The following TLCD2 variants were observed in gnomAD, a reference collection of about 807,000 sequenced individuals.
TLCD2 encodes the protein TLC domain-containing protein 2.
A neutral mutation model predicts 14.0 loss-of-function variants in TLCD2; 12 were observed. The observed-to-expected ratio is 0.86, with a 90% CI of 0.55 to 1.39. The LOEUF (loss-of-function observed/expected upper bound fraction) is 1.39, where lower values mean the gene tolerates loss of function less well. TLCD2 is among the 40% of genes most tolerant of loss of function. The pLI is 0.00. For missense variants in TLCD2, 360 were observed against 346.8 expected, an observed-to-expected ratio of 1.04 and a Z score of -0.30; for synonymous variants, 166 against 156.5, an observed-to-expected ratio of 1.06 and a Z score of -0.45.
chr17:1,708,050 G>T lies in TLCD2; in HGVS notation c.515C>A (p.Thr172Asn). Residue 172 changes from threonine to asparagine, a missense_variant, in exon 4 of 4, where the codon ACC (threonine) becomes AAC (asparagine). Physicochemically the swap from Thr to Asn is moderately conservative, Grantham distance 65. Coordinates refer to ENST00000330676, the MANE Select transcript of TLCD2 (RefSeq NM_001164407.2). ...CGGGACCAGGCGGAAGAGGGCCAAGGTGGCCAAGGAGGCCCAGCTGGTCAC... is the reference window on the plus strand; with the variant it reads ...CGGGACCAGGCGGAAGAGGGCCAAGTTGGCCAAGGAGGCCCAGCTGGTCAC... ...FSVTSWASLA[T>N]LALFRLVPLG... 1 of 1,537,212 alleles carries T rather than the reference G, an allele frequency of 6.5e-7. No homozygotes were observed. The highest frequency in any genetic ancestry group is 8.7e-7 in the Non-Finnish European group (1 of 1,146,912).
At position 1,708,101 on chromosome 17, in the gene TLCD2, C is replaced by T. The variant is rs531651055; in HGVS notation, c.464G>A (p.Arg155His). Reference protein sequence around the residue: ...LHLRKLLLLSRQAPSLAFSVT... With the variant: ...LHLRKLLLLSHQAPSLAFSVT... Reference sequence around the variant, plus strand: ...GCTGAAGGCCAGGGATGGGGCCTGGCGAGAAAGCAACAGCAGCTTCCGCAG... The same window carrying T: ...GCTGAAGGCCAGGGATGGGGCCTGGTGAGAAAGCAACAGCAGCTTCCGCAG... Residue 155 changes from arginine (R) to histidine (H), a missense_variant, in exon 4 of 4, where the codon CGC becomes CAC. Transcript: ENST00000330676. 76 of 1,537,052 alleles carry T rather than the reference C, an allele frequency of 4.9e-5. No individual in the cohort carries two copies. Among genetic ancestry groups the T allele is most frequent in the Non-Finnish European group, 6.0e-5 (69 of 1,146,892 alleles).
At position 1,710,060 on chromosome 17, in the gene TLCD2, C is replaced by T. The variant is rs1914174653; in HGVS notation, c.176+7G>A. On this transcript the variant is annotated splice_region_variant and intron_variant, in intron 1 of 3. Coordinates refer to ENST00000330676, the MANE Select transcript of TLCD2 (RefSeq NM_001164407.2). This position sits in a 1 kb window ranked among gnomAD's most constrained non-coding sequence, Gnocchi z 6.1. ...GCCCCGTGCGCCTCGAGCCCCCAAG[C>T]CCGCACCCGAGCAGCGCCCCGGTCC... is the stretch of plus-strand genomic sequence containing the variant. 6.5e-7 allele frequency: 1 copy of T among 1,532,582 alleles called. No homozygotes were observed. 94.9% of individuals were successfully genotyped at this position (1,532,582 alleles called of 1,614,324 possible).
chr17:1,710,084 C>A lies in TLCD2; in HGVS notation c.159G>T (p.Gly53=), dbSNP rs1914176117. The A allele has an allele frequency of 6.5e-7, 1 of 1,533,078 alleles. No individual in the cohort carries two copies. The highest frequency in any genetic ancestry group is 8.7e-7 in the Non-Finnish European group (1 of 1,146,328). The allele number at this position is 1,533,078 out of a possible 1,614,324, so 95.0% of individuals were successfully genotyped here. A position where few individuals can be genotyped will look rare whatever the true frequency, so the allele number is the denominator to read the frequency against. Residue 53 remains glycine, a synonymous_variant, in exon 1 of 4, where the codon GGG becomes GGT. Coordinates refer to ENST00000330676, the MANE Select transcript of TLCD2 (RefSeq NM_001164407.2). The surrounding 1 kb of genome is among the most constrained non-coding windows in gnomAD (Gnocchi z 6.1). ...CVSLAHSLLS[G]TGALLGLSLY... ...GCCCGCACCCGAGCAGCGCCCCGGT[C>A]CCCGAGAGCAGGCTGTGCGCCAGGG... is the stretch of plus-strand genomic sequence containing the variant.
chr17:1,707,019 T>G lies in TLCD2; in HGVS notation c.*751A>C, dbSNP rs2151144614. ...CCTCTCCACCAAAAAATACAAAAAT[T>G]AGCTGGGCTTGGTGGTGCATGCCTG... On this transcript the variant is annotated 3_prime_UTR_variant, in exon 4 of 4. Transcript: ENST00000330676. 1 of 151,562 alleles carries G rather than the reference T, an allele frequency of 6.6e-6. No individual in the cohort carries two copies. The highest frequency in any genetic ancestry group is 2.1e-4 in the South Asian group (1 of 4,772). The allele number at this position is 151,562 out of a possible 1,614,324, so 9.4% of individuals were successfully genotyped here.
chr17:1,708,425 G>A (rs1914107356), intron 3 of TLCD2, among the ~76,000 whole-genome samples: 1 of 151,788 alleles, frequency 6.6e-6, no homozygotes, highest in Non-Finnish European at 1.5e-5. Flanking sequence ...GGCCCAGGGA[G>A]GGGCTGTCTC....
Position 1,710,063 on chromosome 17 carries a change from G to C in TLCD2, c.176+4C>G. On this transcript the variant is annotated splice_donor_region_variant and intron_variant, in intron 1 of 3. Transcript: ENST00000330676. This position sits in a 1 kb window ranked among gnomAD's most constrained non-coding sequence, Gnocchi z 6.1. ...CCGTGCGCCTCGAGCCCCCAAGCCC[G>C]CACCCGAGCAGCGCCCCGGTCCCCG... 6.5e-7 allele frequency: 1 copy of C among 1,532,454 alleles called. No individual in the cohort carries two copies. Among genetic ancestry groups the C allele is most frequent in the Non-Finnish European group, 8.7e-7 (1 of 1,146,028 alleles). 94.9% of individuals were successfully genotyped at this position (1,532,454 alleles called of 1,614,324 possible). A position where few individuals can be genotyped will look rare whatever the true frequency, so the allele number is the denominator to read the frequency against.
At chr17:1,709,213 AC>A (rs1453608858) in intron 3 of TLCD2, among the ~76,000 whole-genome samples, 2 of 151,728 alleles carry the variant, frequency 1.3e-5, no homozygotes, top group African/African-American at 4.9e-5. Context: ...ACATGGAGAA[AC>A]CCCGTCTTTA....
Position 1,707,458 on chromosome 17 carries a change from C to G in TLCD2, c.*312G>C, listed in dbSNP as rs1454727787. The G allele has an allele frequency of 8.6e-6, 3 of 347,422 alleles. No individual in the cohort carries two copies. Among genetic ancestry groups the G allele is most frequent in the Non-Finnish European group, 1.6e-5 (3 of 191,362 alleles). 21.5% of individuals were successfully genotyped at this position (347,422 alleles called of 1,614,324 possible). Reference sequence around the variant, plus strand: ...AGCAAAGAGCTTCTGTCTCCACTGGCAGTTTCTTCCAGCTGCATGCCTCCT... The same window carrying G: ...AGCAAAGAGCTTCTGTCTCCACTGGGAGTTTCTTCCAGCTGCATGCCTCCT... On this transcript the variant is annotated 3_prime_UTR_variant, in exon 4 of 4. Coordinates refer to ENST00000330676, the MANE Select transcript of TLCD2 (RefSeq NM_001164407.2).
In TLCD2 at chr17:1,706,239, G is replaced by C. The variant is rs1387243210; in HGVS notation, c.*1531C>G. On this transcript the variant is annotated 3_prime_UTR_variant, in exon 4 of 4. Coordinates refer to ENST00000330676, the MANE Select transcript of TLCD2 (RefSeq NM_001164407.2). ...TCCTCCCGCCTCGGCCTCCCAAAGT[G>C]CTGGGATTACAGGCGTGAGCTGCTG... 6.6e-6 allele frequency: 1 copy of C among 152,442 alleles called. No individual in the cohort carries two copies. Among genetic ancestry groups the C allele is most frequent in the Non-Finnish European group, 1.5e-5 (1 of 68,294 alleles). 9.4% of individuals were successfully genotyped at this position (152,442 alleles called of 1,614,324 possible). A position where few individuals can be genotyped will look rare whatever the true frequency, so the allele number is the denominator to read the frequency against.
At chr17:1,709,765 C>T in intron 2 of TLCD2, 39 bp downstream of exon 2, 1 of 1,381,502 alleles carries the variant, frequency 7.2e-7, no homozygotes, top group Non-Finnish European at 9.9e-7. Context: ...GCCCCCCGCC[C>T]CATCCCCACC....
rs1473652533 is a variant in TLCD2, at chr17:1,707,874, G to C, written c.691C>G (p.Pro231Ala). 7 of 1,537,260 alleles carry C rather than the reference G, an allele frequency of 4.6e-6. No individual in the cohort carries two copies. The highest frequency in any genetic ancestry group is 6.1e-6 in the Non-Finnish European group (7 of 1,146,912). ...ILVNDVLQSR[P>A]HPPSPGHEKT... ...TCATGGCCAGGGCTGGGTGGATGGG[G>C]TCGAGACTGTAGGACATCATTGACC... Residue 231 changes from proline to alanine, a missense_variant, in exon 4 of 4, where the codon CCC becomes GCC. By Grantham distance (27) the Pro-to-Ala change is conservative. Transcript: ENST00000330676.
At chr17:1,708,529 C>A (rs576885988) in intron 3 of TLCD2, among the ~76,000 whole-genome samples, 1 of 141,398 alleles carries the variant, frequency 7.1e-6, no homozygotes, top group South Asian at 2.3e-4. Context: ...ACTCTGCCAC[C>A]AGGCTGGAGT....
At position 1,708,076 on chromosome 17, in the gene TLCD2, G is replaced by C. The variant is rs118155869; in HGVS notation, c.489C>G (p.Ser163Arg). The C allele has an allele frequency of 1.3e-6, 2 of 1,537,086 alleles. No individual in the cohort carries two copies. The highest frequency in any genetic ancestry group is 1.7e-6 in the Non-Finnish European group (2 of 1,146,922). ...LSRQAPSLAF[S>R]VTSWASLATL... is the part of the protein sequence containing the mutation. ...TGGCCAAGGAGGCCCAGCTGGTCACGCTGAAGGCCAGGGATGGGGCCTGGC... is the reference window on the plus strand; with the variant it reads ...TGGCCAAGGAGGCCCAGCTGGTCACCCTGAAGGCCAGGGATGGGGCCTGGC... Residue 163 changes from serine to arginine, a missense_variant, in exon 4 of 4, where the codon AGC (serine) becomes AGG (arginine). Ser to Arg is a moderately radical substitution (Grantham distance 110, BLOSUM62 -1). Coordinates refer to ENST00000330676, the MANE Select transcript of TLCD2 (RefSeq NM_001164407.2).
intron 3 of TLCD2, among the ~76,000 whole-genome samples, chr17:1,708,512 GAC>G (rs1914113595): frequency 9.3e-6 from 1 of 107,768 alleles, no homozygotes; most frequent in Admixed American, 1.3e-4. Context: ...TTTCGAGACA[GAC>G]TCTCACTCTG....
Position 1,709,893 on chromosome 17 carries a change from G to A in TLCD2, c.177-7C>T. 1 of 1,446,010 alleles carries A rather than the reference G, an allele frequency of 6.9e-7. No individual in the cohort carries two copies. Among genetic ancestry groups the A allele is most frequent in the Non-Finnish European group, 9.3e-7 (1 of 1,069,588 alleles). The allele number at this position is 1,446,010 out of a possible 1,614,324, so 89.6% of individuals were successfully genotyped here. On this transcript the variant is annotated splice_polypyrimidine_tract_variant and splice_region_variant and intron_variant, in intron 1 of 3. Coordinates refer to ENST00000330676, the MANE Select transcript of TLCD2 (RefSeq NM_001164407.2). ...CTGAGGGTACAGTGACAGGCTGGGG[G>A]CATGGGGTGGGGACATGGGGGGGGG...
At position 1,705,959 on chromosome 17, in the gene TLCD2, A is replaced by T. The variant is rs1012649849; in HGVS notation, c.*1811T>A. ...AGACTTTATGAATGTATCTCAGAAA[A>T]GTCCCAGCTCTTCCTTTTTTTTTTT... is the stretch of plus-strand genomic sequence containing the variant. On this transcript the variant is annotated 3_prime_UTR_variant, in exon 4 of 4. Transcript: ENST00000330676. The T allele has an allele frequency of 6.6e-6, 1 of 151,150 alleles. No individual in the cohort carries two copies. The highest frequency in any genetic ancestry group is 1.5e-5 in the Non-Finnish European group (1 of 67,882). The allele number at this position is 151,150 out of a possible 1,614,324, so 9.4% of individuals were successfully genotyped here. A position where few individuals can be genotyped will look rare whatever the true frequency, so the allele number is the denominator to read the frequency against.
At position 1,706,336 on chromosome 17, in the gene TLCD2, G is replaced by A. The variant is rs1914031151; in HGVS notation, c.*1434C>T. On this transcript the variant is annotated 3_prime_UTR_variant, in exon 4 of 4. Transcript: ENST00000330676. ...TCTCACACAGTCTACCTCTGCCCTT[G>A]TTCTTCCATGAAAGCCTGGGCCTGG... 1 of 152,346 alleles carries A rather than the reference G, an allele frequency of 6.6e-6. No individual in the cohort carries two copies. 9.4% of individuals were successfully genotyped at this position (152,346 alleles called of 1,614,324 possible). A position where few individuals can be genotyped will look rare whatever the true frequency, so the allele number is the denominator to read the frequency against.
chr17:1,708,249 G>C (rs1242277638), intron 3 of TLCD2, 27 bp from the exon 4 acceptor site: 2 of 1,479,072 alleles, frequency 1.4e-6, no homozygotes, highest in Non-Finnish European at 1.8e-6. Context: ...CAGGTCAGAG[G>C]AACCCCATGA....
In TLCD2 at chr17:1,705,903, A is replaced by T. The variant is rs1914017955; in HGVS notation, c.*1867T>A. On this transcript the variant is annotated 3_prime_UTR_variant, in exon 4 of 4. Transcript: ENST00000330676. ...AAGGAAGGGGTCTTGTTCAACAGAA[A>T]AAAACGCAGCAGAAGCAGCAGGGAG... The T allele has an allele frequency of 6.6e-6, 1 of 152,188 alleles. No homozygotes were observed. Among genetic ancestry groups the T allele is most frequent in the African/African-American group, 2.4e-5 (1 of 41,438 alleles). 9.4% of individuals were successfully genotyped at this position (152,188 alleles called of 1,614,324 possible). A position where few individuals can be genotyped will look rare whatever the true frequency, so the allele number is the denominator to read the frequency against.
Sources: gnomAD v4.1 joint callset for allele counts (sites outside exome capture counted in the v4.1 genomes callset) on GRCh38, gnomAD v4.1.1 for gene constraint, Gnocchi (gnomAD v3.1) non-coding constraint, MANE v1.5 for transcripts, NCBI Gene and HGNC (gene_info 2026-07-23, HGNC 2026-07-21) for gene names.